The following PRC1 variants were observed in gnomAD, a reference collection of about 807,000 sequenced individuals.
PRC1 encodes the protein protein regulator of cytokinesis 1.
A neutral mutation model predicts 91.2 loss-of-function variants in PRC1; 54 were observed. The observed-to-expected ratio is 0.59, with a 90% CI of 0.48 to 0.74. The LOEUF is 0.74. Among genes scored for constraint, PRC1 ranks in the 30% least tolerant of loss-of-function variants. PRC1 has a pLI of 0.00. For synonymous variants in PRC1, 275 were observed against 263.6 expected, an observed-to-expected ratio of 1.04 and a Z score of -0.42; for missense variants, 727 against 746.2, an observed-to-expected ratio of 0.97 and a Z score of 0.30.
In PRC1 at chr15:90,981,580, T is replaced by C; in HGVS notation, c.591A>G (p.Glu197=). The part of the protein sequence containing the change: ...ALDHTPDTSF[E]RDVVCEDEDA... ...CTTCGTCTTCACACACCACATCTCT[T>C]TCAAAGCTTGTGTCTGGGGTGTGGT... Residue 197 remains glutamate, a synonymous_variant, in exon 5 of 15, where the codon GAA becomes GAG. Transcript: ENST00000394249. 1 of 1,614,114 alleles carries C rather than the reference T, an allele frequency of 6.2e-7. No homozygotes were observed. Among genetic ancestry groups the C allele is most frequent in the Non-Finnish European group, 8.5e-7 (1 of 1,180,032 alleles).
Position 90,981,866 on chromosome 15 carries a change from T to A in PRC1, c.383A>T (p.Asp128Val). ...ACAAAGAATTTCGCACAGTTCTTGA[T>A]CTTGCTCTTGAAGTAGCTTCAGTTC... ...KQELKLLQEQ[D>V]QELCEILCMP... is the part of the protein sequence containing the mutation. The change falls in exon 4 of 15, where the codon GAT (aspartate) becomes GTT (valine). Residue 128 changes from aspartate (D) to valine (V), a missense_variant. By Grantham distance (152) the Asp-to-Val change is radical. Coordinates refer to ENST00000394249, the MANE Select transcript of PRC1 (RefSeq NM_003981.4). 1 of 1,614,234 alleles carries A rather than the reference T, an allele frequency of 6.2e-7. No individual in the cohort carries two copies. Among genetic ancestry groups the A allele is most frequent in the African/African-American group, 1.3e-5 (1 of 75,066 alleles).
In PRC1 at chr15:90,980,988, G is replaced by A. The variant is rs776619186; in HGVS notation, c.718C>T (p.Arg240Cys). The A allele has an allele frequency of 3.7e-6, 6 of 1,613,968 alleles. No individual in the cohort carries two copies. Among genetic ancestry groups the A allele is most frequent in the East Asian group, 4.5e-5 (2 of 44,900 alleles). The change falls in exon 6 of 15, where the codon CGT becomes TGT. Residue 240 changes from arginine to cysteine, a missense_variant. Arg to Cys is a radical substitution (Grantham distance 180, BLOSUM62 -3). Transcript: ENST00000394249. The stretch of plus-strand genomic sequence containing the variant: ...TCCCAGAGCTCTCGGATTTGAGTAC[G>A]CAGCCCCTCACACACTGCTTCATTT... Reference protein sequence around the residue: ...SQNEAVCEGLRTQIRELWDRL... With the variant: ...SQNEAVCEGLCTQIRELWDRL...
chr15:90,990,774 GTTTCTTTTTTT>G (rs1567207540), intron 1 of PRC1, among the ~76,000 whole-genome samples: 1 of 151,538 alleles, frequency 6.6e-6, no homozygotes, highest in Non-Finnish European at 1.5e-5. Context: ...AACATTTTTG[GTTTCTTTTTTT>G]TTTCTTTTTT....
intron 6 of PRC1, 73 bp from the exon 7 acceptor site, chr15:90,980,462 C>G: frequency 6.8e-7 from 1 of 1,468,106 alleles, no homozygotes; most frequent in Admixed American, 2.2e-5. Flanking sequence ...AGATCCCCCC[C>G]TTTTAAGTAA....
rs537365087 is a variant in PRC1 at position 90,983,888 on chromosome 15, G to A, written c.267+130C>T. 9.4e-6 allele frequency: 12 copies of A among 1,272,308 alleles called. No homozygotes were observed. In the South Asian group the frequency reaches 1.3e-4, roughly 14 times the overall value. The allele number at this position is 1,272,308 out of a possible 1,614,324, so 78.8% of individuals were successfully genotyped here. On this transcript the variant is annotated intron_variant, in intron 3 of 14. Transcript: ENST00000394249. Reference sequence around the variant, plus strand: ...CTGGGCCTAATTAACTACACAGCATGTTTTCCCCACTTCTTACGTCTAGCT... The same window carrying A: ...CTGGGCCTAATTAACTACACAGCATATTTTCCCCACTTCTTACGTCTAGCT...
intron 12 of PRC1, among the ~76,000 whole-genome samples, 188 bp downstream of exon 12, chr15:90,970,216 G>C (rs2037988723): frequency 1.3e-5 from 2 of 152,128 alleles, no homozygotes; most frequent in Admixed American, 1.3e-4. Context: ...CAGAGTGACT[G>C]TTCTCTTTTT....
intron 3 of PRC1, 199 bp from the exon 4 acceptor site, chr15:90,982,180 C>T (rs545934766): frequency 5.1e-6 from 3 of 593,660 alleles, no homozygotes; most frequent in East Asian, 5.6e-5. Flanking sequence ...TACCAGGGTA[C>T]TTTTCCCCCC....
rs148776661 is a variant in PRC1, at chr15:90,967,137, C to G, written c.1857G>C (p.Gln619His). 1 of 1,613,690 alleles carries G rather than the reference C, an allele frequency of 6.2e-7. No individual in the cohort carries two copies. Among genetic ancestry groups the G allele is most frequent in the Non-Finnish European group, 8.5e-7 (1 of 1,179,600 alleles). ...TSGILNSTNI[Q>H]S ...GTTGACTGATCAGGGCTTCTCAGGA[C>G]TGGATGTTGGTTGAATTGAGGATTC... is the stretch of plus-strand genomic sequence containing the variant. The change falls in exon 15 of 15, where the codon CAG (glutamine) becomes CAC (histidine). Residue 619 changes from glutamine to histidine, a missense_variant. Transcript: ENST00000394249.
chr15:90,986,546 C>G (rs1009835602), intron 1 of PRC1, among the ~76,000 whole-genome samples: 5 of 152,068 alleles, frequency 3.3e-5, no homozygotes. Flanking sequence ...CGCTTGAACC[C>G]GGGAGGCAGG....
At chr15:90,979,651 T>C (rs1047561666) in intron 7 of PRC1, among the ~76,000 whole-genome samples, 3 of 152,242 alleles carry the variant, frequency 2.0e-5, no homozygotes, top group African/African-American at 7.2e-5. Context: ...TTGAATTTAG[T>C]TGGGGTAGCT....
At chr15:90,988,891 T>A (rs1313845196) in intron 1 of PRC1, among the ~76,000 whole-genome samples, 1 of 152,198 alleles carries the variant, frequency 6.6e-6, no homozygotes. Context: ...AGAGGTATTA[T>A]GCACTCTGGA....
In PRC1 at chr15:90,976,642, A is replaced by G. The variant is rs765510402; in HGVS notation, c.1203+34T>C. 5 of 1,499,456 alleles carry G rather than the reference A, an allele frequency of 3.3e-6. No individual in the cohort carries two copies. In the South Asian group the frequency reaches 5.8e-5, roughly 17 times the overall value. The allele number at this position is 1,499,456 out of a possible 1,614,324, so 92.9% of individuals were successfully genotyped here. A position where few individuals can be genotyped will look rare whatever the true frequency, so the allele number is the denominator to read the frequency against. ...ATACAAATAGTGAGGTATCTTTGTA[A>G]CCAAGCATCAAAAACCCTTAGCAAC... On this transcript the variant is annotated intron_variant, in intron 9 of 14. Coordinates refer to ENST00000394249, the MANE Select transcript of PRC1 (RefSeq NM_003981.4).
At chr15:90,970,375 G>A (rs780777682) in intron 12 of PRC1, 29 bp downstream of exon 12, 4 of 1,501,428 alleles carry the variant, frequency 2.7e-6, no homozygotes, top group Non-Finnish European at 2.8e-6. Flanking sequence ...ACGCATGTGA[G>A]GATGTGCTTA....
At position 90,967,127 on chromosome 15, in the gene PRC1, C is replaced by A; in HGVS notation, c.*4G>T. On this transcript the variant is annotated 3_prime_UTR_variant, in exon 15 of 15. Coordinates refer to ENST00000394249, the MANE Select transcript of PRC1 (RefSeq NM_003981.4). ...GCCACAGCTGGTTGACTGATCAGGGCTTCTCAGGACTGGATGTTGGTTGAA... is the reference window on the plus strand; with the variant it reads ...GCCACAGCTGGTTGACTGATCAGGGATTCTCAGGACTGGATGTTGGTTGAA... The A allele has an allele frequency of 6.2e-7, 1 of 1,612,882 alleles. No individual in the cohort carries two copies. The highest frequency in any genetic ancestry group is 1.1e-5 in the South Asian group (1 of 91,052).
Position 90,984,893 on chromosome 15 carries a change from CGA to C in PRC1, c.12-70_12-69del. The stretch of plus-strand genomic sequence containing the variant: ...GCCTCTGGACTAAAAGCACTATTTT[CGA>C]GAACTAAAAAGACTAGCTTCTCAGT... On this transcript the variant is annotated intron_variant, in intron 1 of 14. Coordinates refer to ENST00000394249, the MANE Select transcript of PRC1 (RefSeq NM_003981.4). This position sits in a 1 kb window ranked among gnomAD's most constrained non-coding sequence, Gnocchi z 5.1. 2 of 1,569,710 alleles carry C rather than the reference CGA, an allele frequency of 1.3e-6. No homozygotes were observed. The highest frequency in any genetic ancestry group is 1.7e-6 in the Non-Finnish European group (2 of 1,160,012).
In PRC1 at chr15:90,984,560, A is replaced by C. The variant is rs549723885; in HGVS notation, c.144+133T>G. 1,060 of 1,395,758 alleles carry C rather than the reference A, an allele frequency of 7.6e-4. 2 individuals are homozygous for C. The highest frequency in any genetic ancestry group is 9.5e-4 in the Non-Finnish European group (977 of 1,031,644). The allele number at this position is 1,395,758 out of a possible 1,614,324, so 86.5% of individuals were successfully genotyped here. A position where few individuals can be genotyped will look rare whatever the true frequency, so the allele number is the denominator to read the frequency against. On this transcript the variant is annotated intron_variant, in intron 2 of 14. Transcript: ENST00000394249. This position sits in a 1 kb window ranked among gnomAD's most constrained non-coding sequence, Gnocchi z 5.1. ...AATTTCAAGAAGGGACTTCAAAACC[A>C]AACCAAACCAAACAGGAAGAGCCTG...
At position 90,990,080 on chromosome 15, in the gene PRC1, T is replaced by G. The variant is rs964765794; in HGVS notation, c.11+4327A>C. ...TAGGCCGGGTGCGGTGGATCACTCC[T>G]GTAATCCCAGCACTTTGGGTGCCAA... On this transcript the variant is annotated intron_variant, in intron 1 of 14. Coordinates refer to ENST00000394249, the MANE Select transcript of PRC1 (RefSeq NM_003981.4). 3.3e-5 allele frequency among the ~76,000 whole-genome samples: 5 copies of G among 152,240 alleles called. No homozygotes were observed. The East Asian group carries it at 9.7e-4, about 29-fold the overall frequency.
At chr15:90,976,099 TTCTC>T (rs1201831525) in intron 9 of PRC1, among the ~76,000 whole-genome samples, 1 of 152,142 alleles carries the variant, frequency 6.6e-6, no homozygotes, top group Non-Finnish European at 1.5e-5. Context: ...TTGTTTGTTT[TTCTC>T]TCTGAGATGG....
intron 1 of PRC1, 41 bp downstream of exon 1, chr15:90,994,366 C>T (rs754428551): frequency 6.2e-7 from 1 of 1,611,906 alleles, no homozygotes; most frequent in African/African-American, 1.3e-5. Flanking sequence ...AAACGAGCGT[C>T]GCTCCCTCCC....
Sources: gnomAD v4.1 joint callset for allele counts (sites outside exome capture counted in the v4.1 genomes callset) on GRCh38, gnomAD v4.1.1 for gene constraint, Gnocchi (gnomAD v3.1) non-coding constraint, MANE v1.5 for transcripts, NCBI Gene and HGNC (gene_info 2026-07-23, HGNC 2026-07-21) for gene names.